The following MGAT4C variants were observed in gnomAD, a reference collection of about 807,000 sequenced individuals.
MGAT4C encodes MGAT4 family member C.
In MGAT4C, 19 loss-of-function variants were observed where a neutral mutation model predicts 40.1. The observed-to-expected ratio is 0.47, with a 90% CI of 0.33 to 0.70. The LOEUF is 0.70. Among genes scored for constraint, MGAT4C ranks in the 30% least tolerant of loss-of-function variants. The probability of loss-of-function intolerance (pLI) is 0.02; values close to 1 mark genes in which losing one functional copy is unlikely to be tolerated. For synonymous variants in MGAT4C, 181 were observed against 187.1 expected (o/e 0.97, Z 0.27); for missense variants, 491 against 563.2 (o/e 0.87, Z 1.30).
intron 1 of MGAT4C, among the ~76,000 whole-genome samples, chr12:86,231,049 A>C (rs907518481): frequency 6.6e-6 from 1 of 152,128 alleles, no homozygotes; most frequent in African/African-American, 2.4e-5. Flanking sequence ...TTGAAATAAA[A>C]CCCTGACGAA....
intron 3 of MGAT4C, among the ~76,000 whole-genome samples, chr12:86,384,485 A>G (rs574949757): frequency 2.6e-5 from 4 of 152,322 alleles, no homozygotes; most frequent in African/African-American, 9.6e-5. Context: ...TCCCAGCCCC[A>G]GTAAGGCAGG....
intron 2 of MGAT4C, among the ~76,000 whole-genome samples, chr12:86,458,161 T>C (rs1957541129): frequency 6.6e-6 from 1 of 152,156 alleles, no homozygotes; most frequent in Admixed American, 6.6e-5. Context: ...TTTTAGCAGC[T>C]ACCTTAAATT....
At chr12:86,085,604 C>T (rs1476420141) in intron 1 of MGAT4C, among the ~76,000 whole-genome samples, 2 of 151,868 alleles carry the variant, frequency 1.3e-5, no homozygotes, top group Non-Finnish European at 2.9e-5. Context: ...GAACAGGCAA[C>T]CTACAGAATG....
At chr12:86,505,599 T>C (rs1447266508) in intron 2 of MGAT4C, among the ~76,000 whole-genome samples, 3 of 152,220 alleles carry the variant, frequency 2.0e-5, no homozygotes, top group Admixed American at 2.0e-4. Context: ...TAATGGAAGA[T>C]GTGAAATGGT....
chr12:86,692,264 A>G (rs957076136), intron 2 of MGAT4C, among the ~76,000 whole-genome samples: 7 of 152,200 alleles, frequency 4.6e-5, no homozygotes, highest in African/African-American at 1.7e-4. Flanking sequence ...CATTAAGCCT[A>G]TGATGCAAAC....
At chr12:86,424,475 A>G (rs1271344498) in intron 3 of MGAT4C, among the ~76,000 whole-genome samples, 1 of 152,126 alleles carries the variant, frequency 6.6e-6, no homozygotes, top group Non-Finnish European at 1.5e-5. Flanking sequence ...AATTATATTT[A>G]ACTGTTAGGA....
At chr12:86,129,281 C>G (rs193286635) in intron 1 of MGAT4C, among the ~76,000 whole-genome samples, 1 of 152,112 alleles carries the variant, frequency 6.6e-6, no homozygotes, top group Non-Finnish European at 1.5e-5. Context: ...GAAACAAAGA[C>G]AGTTATTCAA....
At chr12:86,035,671 T>C (rs1369269430) in intron 2 of MGAT4C, among the ~76,000 whole-genome samples, 2 of 150,120 alleles carry the variant, frequency 1.3e-5, no homozygotes, top group East Asian at 1.9e-4. Context: ...TCCTGAATGG[T>C]ATTGCCTAGG....
intron 1 of MGAT4C, among the ~76,000 whole-genome samples, chr12:86,196,695 G>A (rs575664915): frequency 6.6e-6 from 1 of 152,324 alleles, no homozygotes; most frequent in African/African-American, 2.4e-5. Context: ...CCAGCTGTCA[G>A]TGCTTCTGCT....
At chr12:86,150,403 G>A (rs773590196) in intron 1 of MGAT4C, among the ~76,000 whole-genome samples, 1 of 152,160 alleles carries the variant, frequency 6.6e-6, no homozygotes, top group Admixed American at 6.5e-5. Flanking sequence ...CGTTCAATAA[G>A]TTTTAGTTAT....
intron 1 of MGAT4C, among the ~76,000 whole-genome samples, chr12:86,244,574 A>C (rs559549247): frequency 1.3e-5 from 2 of 152,332 alleles, no homozygotes; most frequent in Admixed American, 1.3e-4. Context: ...CTGCGCTAGC[A>C]CTGCTGATAC....
At chr12:86,149,000 T>C (rs1462845047) in intron 1 of MGAT4C, among the ~76,000 whole-genome samples, 1 of 152,170 alleles carries the variant, frequency 6.6e-6, no homozygotes, top group Non-Finnish European at 1.5e-5. Context: ...CCTGACATGA[T>C]ATATCAGTGG....
At chr12:86,633,858 A>T (rs1963135861) in intron 2 of MGAT4C, among the ~76,000 whole-genome samples, 1 of 152,044 alleles carries the variant, frequency 6.6e-6, no homozygotes, top group Admixed American at 6.6e-5. Flanking sequence ...TAGATCATTA[A>T]GTTGCCTCCT....
chr12:86,663,353 C>CAAAAAAAAA (rs58562873), intron 2 of MGAT4C, among the ~76,000 whole-genome samples: 38 of 44,750 alleles, frequency 8.5e-4, no homozygotes, highest in African/African-American at 2.5e-3. Context: ...TCCTCTGTCT[C>CAAAAAAAAA]AAAAAAAAAA....
chr12:86,470,795 T>C (rs375496225), intron 2 of MGAT4C, among the ~76,000 whole-genome samples: 12 of 152,254 alleles, frequency 7.9e-5, no homozygotes, highest in African/African-American at 2.9e-4. Context: ...TTTTCAACCA[T>C]ATACTAATAG....
At chr12:86,758,189 T>TA (rs1267793445) in intron 1 of MGAT4C, among the ~76,000 whole-genome samples, 1 of 152,112 alleles carries the variant, frequency 6.6e-6, no homozygotes, top group Non-Finnish European at 1.5e-5. Flanking sequence ...TCTTTGGCCT[T>TA]ACACTGGTGT....
At chr12:86,354,298 C>G (rs1955253967) in intron 3 of MGAT4C, among the ~76,000 whole-genome samples, 1 of 152,086 alleles carries the variant, frequency 6.6e-6, no homozygotes, top group South Asian at 2.1e-4. Flanking sequence ...TTAACAGGAC[C>G]CATAGTATTA....
chr12:86,129,397 C>A (rs1346240418), intron 1 of MGAT4C, among the ~76,000 whole-genome samples: 1 of 152,284 alleles, frequency 6.6e-6, no homozygotes, highest in East Asian at 1.9e-4. Context: ...GAGAAACAGT[C>A]TTCACAATGC....
At chr12:86,616,738 C>G in intron 2 of MGAT4C, among the ~76,000 whole-genome samples, 1 of 149,186 alleles carries the variant, frequency 6.7e-6, no homozygotes, top group South Asian at 2.1e-4. Context: ...TCAACGAAAA[C>G]AGTTTTCTCT....
Sources: allele counts gnomAD v4.1 joint callset (sites outside exome capture counted in the v4.1 genomes callset), GRCh38; gene constraint gnomAD v4.1.1; transcripts MANE v1.5; gene names NCBI Gene and HGNC (gene_info 2026-07-23, HGNC 2026-07-21).